PTPRB: variants seen among roughly 807,000 people sequenced by gnomAD.
PTPRB encodes receptor-type tyrosine-protein phosphatase beta.
A neutral mutation model predicts 238.1 loss-of-function variants in PTPRB; 97 were observed. The observed-to-expected ratio is 0.41, with a 90% CI of 0.35 to 0.48. PTPRB has a LOEUF of 0.48. Among genes scored for constraint, PTPRB ranks in the 20% least tolerant of loss-of-function variants. PTPRB has a pLI of 0.30. For missense variants in PTPRB, 2,292 were observed against 2,681.9 expected (o/e 0.85, Z 3.21); for synonymous variants, 970 against 995.4 (o/e 0.97, Z 0.48).
chr12:70,624,917 C>G (rs1885107914), intron 2 of PTPRB, among the ~76,000 whole-genome samples: 1 of 152,108 alleles, frequency 6.6e-6, no homozygotes, highest in Admixed American at 6.6e-5. Flanking sequence ...ACTGGACTTT[C>G]CCAAAAGTAG....
rs984155867 is a variant in PTPRB at position 70,602,016 on chromosome 12, T to G, written c.980-5689A>C. Among the ~76,000 whole-genome samples the G allele has an allele frequency of 3.8e-4, 58 of 151,886 alleles. 1 individual carries two copies. The highest frequency in any genetic ancestry group is 3.7e-3 in the Admixed American group (56 of 15,246). ...TTCACCGTGTTAGCCAGGATGGTCT[T>G]GATCTCCTGATGTTGTGATCTGCCC... On this transcript the variant is annotated intron_variant, in intron 4 of 33. Coordinates refer to ENST00000334414, the MANE Select transcript of PTPRB (RefSeq NM_001109754.4).
intron 29 of PTPRB, among the ~76,000 whole-genome samples, 169 bp downstream of exon 29, chr12:70,535,856 A>T (rs532502996): frequency 3.5e-4 from 53 of 152,234 alleles, no homozygotes; most frequent in Non-Finnish European, 5.1e-4. Flanking sequence ...AGAATCAGGC[A>T]TCACTTGGGT....
At chr12:70,605,296 TA>T (rs1566004436) in intron 4 of PTPRB, among the ~76,000 whole-genome samples, 1 of 152,206 alleles carries the variant, frequency 6.6e-6, no homozygotes, top group Non-Finnish European at 1.5e-5. Context: ...ATTCTCTCAC[TA>T]AAATATTAAT....
At chr12:70,540,081 T>C in intron 23 of PTPRB, 59 bp from the exon 24 acceptor site, 1 of 1,432,648 alleles carries the variant, frequency 7.0e-7, no homozygotes, top group South Asian at 1.2e-5. Flanking sequence ...GAACAAATTT[T>C]TCCATTTATG....
At chr12:70,534,385 A>T in intron 31 of PTPRB, 103 bp downstream of exon 31, 1 of 1,362,468 alleles carries the variant, frequency 7.3e-7, no homozygotes, top group East Asian at 2.5e-5. Flanking sequence ...GGTCCAGACA[A>T]ATCCTCCACC....
Position 70,572,106 on chromosome 12 carries a change from G to A in PTPRB, c.2843-19C>T. 6.3e-7 allele frequency: 1 copy of A among 1,586,264 alleles called. No homozygotes were observed. Among genetic ancestry groups the A allele is most frequent in the East Asian group, 2.2e-5 (1 of 44,596 alleles). ...TCAGGCACTGAAAAGGAAACAGAGAGTAACTAAATATTTATGAATTCTGAG... is the reference window on the plus strand; with the variant it reads ...TCAGGCACTGAAAAGGAAACAGAGAATAACTAAATATTTATGAATTCTGAG... On this transcript the variant is annotated intron_variant, in intron 11 of 33. Transcript: ENST00000334414.
chr12:70,612,446 G>A (rs1019805795), intron 3 of PTPRB, among the ~76,000 whole-genome samples: 1 of 152,060 alleles, frequency 6.6e-6, no homozygotes, highest in Non-Finnish European at 1.5e-5. Flanking sequence ...TTTGGTTTTT[G>A]TTCTCATCTT....
At chr12:70,549,641 T>C (rs1027710005) in intron 21 of PTPRB, among the ~76,000 whole-genome samples, 1 of 152,052 alleles carries the variant, frequency 6.6e-6, no homozygotes, top group Non-Finnish European at 1.5e-5. Context: ...ACAAGGAGGG[T>C]CACTGTGGTA....
chr12:70,555,389 G>A, intron 19 of PTPRB, 80 bp from the exon 20 acceptor site: 1 of 1,330,506 alleles, frequency 7.5e-7, no homozygotes, highest in East Asian at 2.5e-5. Context: ...GTGAAATGAA[G>A]GATTCTGCTC....
chr12:70,622,375 A>ACC lies in PTPRB; in HGVS notation c.708+13_708+14dup. The ACC allele has an allele frequency of 6.2e-7, 1 of 1,610,316 alleles. No individual in the cohort carries two copies. The highest frequency in any genetic ancestry group is 8.5e-7 in the Non-Finnish European group (1 of 1,178,652). ...GACGTGCACAGACCACACTCCACAC[A>ACC]CCCCCTCCTTTTACCTCTTCAGTGG... On this transcript the variant is annotated intron_variant, in intron 3 of 33. Coordinates refer to ENST00000334414, the MANE Select transcript of PTPRB (RefSeq NM_001109754.4).
At chr12:70,565,391 C>T (rs1174300085) in intron 15 of PTPRB, among the ~76,000 whole-genome samples, 1 of 152,194 alleles carries the variant, frequency 6.6e-6, no homozygotes, top group Non-Finnish European at 1.5e-5. Flanking sequence ...CCTGTTCATA[C>T]CTCTTGGCCT....
intron 9 of PTPRB, among the ~76,000 whole-genome samples, chr12:70,584,118 GAACAT>G (rs1182937232): frequency 6.6e-6 from 1 of 152,026 alleles, no homozygotes; most frequent in Non-Finnish European, 1.5e-5. Flanking sequence ...GCTTAAAAGT[GAACAT>G]AACAATTAAA....
chr12:70,573,793 A>G (rs1382379053), intron 11 of PTPRB, among the ~76,000 whole-genome samples: 1 of 151,818 alleles, frequency 6.6e-6, no homozygotes, highest in Non-Finnish European at 1.5e-5. Context: ...GGTTTCTTGA[A>G]CCAAGAATTA....
intron 4 of PTPRB, among the ~76,000 whole-genome samples, chr12:70,605,858 C>G (rs1237319227): frequency 6.6e-6 from 1 of 152,026 alleles, no homozygotes; most frequent in Admixed American, 6.6e-5. Flanking sequence ...AACCTCTGCT[C>G]TAGACTCTGA....
chr12:70,536,323 G>A (rs749826663), intron 28 of PTPRB, among the ~76,000 whole-genome samples, 164 bp from the exon 29 acceptor site: 2 of 152,194 alleles, frequency 1.3e-5, no homozygotes, highest in Non-Finnish European at 1.5e-5. Context: ...AAGGACAAAG[G>A]TCAGAACATT....
At chr12:70,536,446 GTT>G (rs567188175) in intron 28 of PTPRB, among the ~76,000 whole-genome samples, 118 of 152,170 alleles carry the variant, frequency 7.8e-4, no homozygotes, top group South Asian at 1.7e-3. Flanking sequence ...ATATGTGTGT[GTT>G]GGGGGGTATT....
At position 70,619,813 on chromosome 12, in the gene PTPRB, C is replaced by T. The variant is rs1044712199; in HGVS notation, c.708+2577G>A. 2.0e-5 allele frequency among the ~76,000 whole-genome samples: 3 copies of T among 152,174 alleles called. No individual in the cohort carries two copies. In the East Asian group the frequency reaches 5.8e-4, roughly 29 times the overall value. On this transcript the variant is annotated intron_variant, in intron 3 of 33. Transcript: ENST00000334414. ...CAAGCAATTAAGTCAAATGATTTTA[C>T]TCCTTTCTTATACTTTTCTAGGCAT...
intron 3 of PTPRB, among the ~76,000 whole-genome samples, chr12:70,610,700 C>A (rs1412219679): frequency 6.6e-6 from 1 of 152,052 alleles, no homozygotes; most frequent in Non-Finnish European, 1.5e-5. Flanking sequence ...AGGTTTGTAT[C>A]CTCCCTAAAT....
Position 70,635,823 on chromosome 12 carries a change from C to A in PTPRB, c.299G>T (p.Gly100Val). ...APRWTCYDQE[G>V]FLEVENASLF... is the part of the protein sequence containing the mutation. The stretch of plus-strand genomic sequence containing the variant: ...AGAGGCATTTTCCACCTCAAGGAAG[C>A]CTTCCTGATCATAGCAGGTCCATCG... The change falls in exon 2 of 34, where the codon GGC (glycine) becomes GTC (valine). Residue 100 changes from glycine to valine, a missense_variant. Physicochemically the swap from Gly to Val is moderately radical, Grantham distance 109. Coordinates refer to ENST00000334414, the MANE Select transcript of PTPRB (RefSeq NM_001109754.4). 6.2e-6 allele frequency: 10 copies of A among 1,613,570 alleles called. No individual in the cohort carries two copies. Among genetic ancestry groups the A allele is most frequent in the Non-Finnish European group, 8.5e-6 (10 of 1,179,726 alleles).
Sources: gnomAD v4.1 joint callset for allele counts (sites outside exome capture counted in the v4.1 genomes callset) on GRCh38, gnomAD v4.1.1 for gene constraint, MANE v1.5 for transcripts, NCBI Gene and HGNC (gene_info 2026-07-23, HGNC 2026-07-21) for gene names.